The following DCAF6 variants were observed in gnomAD, a reference collection of about 807,000 sequenced individuals.
The protein encoded by DCAF6 is DDB1 and CUL4 associated factor 6.
DCAF6 carries 54 observed loss-of-function variants against 125.1 expected under a neutral mutation model. The observed-to-expected ratio is 0.43, with a 90% CI of 0.35 to 0.54. The LOEUF is 0.54. DCAF6 is among the 20% of genes least tolerant of loss of function. DCAF6 has a pLI of 0.01. For synonymous variants in DCAF6, 371 were observed against 390.4 expected (o/e 0.95, Z 0.58); for missense variants, 934 against 1,161.7 (o/e 0.80, Z 2.85).
intron 3 of DCAF6, among the ~76,000 whole-genome samples, chr1:167,971,378 C>T (rs202245): frequency 0.029 from 4,454 of 152,182 alleles, 168 homozygotes; most frequent in African/African-American, 0.084. Context: ...CAACACTTAA[C>T]ATTATTTATT....
the DCAF6 span, among the ~76,000 whole-genome samples, chr1:167,866,974 C>A: frequency 6.6e-6 from 1 of 152,080 alleles, no homozygotes; most frequent in African/African-American, 2.4e-5. Flanking sequence ...ACATAAAGTC[C>A]CCCCCATGCT....
chr1:167,875,279 T>C, the DCAF6 span: 1 of 1,285,526 alleles, frequency 7.8e-7, no homozygotes, highest in South Asian at 1.2e-5. Context: ...GAAAGTTTCC[T>C]TCTCAATTGC....
the DCAF6 span, among the ~76,000 whole-genome samples, chr1:167,865,017 G>C: frequency 2.0e-5 from 3 of 152,062 alleles, no homozygotes; most frequent in Non-Finnish European, 1.5e-5. Context: ...TAATAAGTCA[G>C]AAAGTTGAGA....
intron 1 of DCAF6, among the ~76,000 whole-genome samples, chr1:167,943,156 G>A (rs138412743): frequency 0.024 from 3,654 of 152,208 alleles, 130 homozygotes; most frequent in African/African-American, 0.081. Flanking sequence ...TGATCTGCCC[G>A]CCTTGGCCTA....
intron 12 of DCAF6, among the ~76,000 whole-genome samples, chr1:168,025,250 A>G (rs56962532): frequency 0.03 from 4,572 of 152,282 alleles, 202 homozygotes; most frequent in African/African-American, 0.1. Flanking sequence ...TATGGGATAT[A>G]AGAGGAAGAG....
At chr1:167,929,073 T>C in the DCAF6 span, among the ~76,000 whole-genome samples, 1 of 152,162 alleles carries the variant, frequency 6.6e-6, no homozygotes, top group Non-Finnish European at 1.5e-5. Flanking sequence ...TGTCTATACA[T>C]TTAGGCCGGG....
the DCAF6 span, among the ~76,000 whole-genome samples, chr1:167,867,589 C>T: frequency 6.6e-6 from 1 of 152,060 alleles, no homozygotes. Context: ...TGTGTTATGA[C>T]CCATTTTAAG....
intron 12 of DCAF6, among the ~76,000 whole-genome samples, chr1:168,031,175 T>C (rs998301154): frequency 4.6e-5 from 7 of 152,020 alleles, no homozygotes; most frequent in Non-Finnish European, 1.0e-4. Context: ...GAATTTTAAC[T>C]AGGATGAAAG....
chr1:167,976,803 A>G (rs74120587), intron 4 of DCAF6, among the ~76,000 whole-genome samples: 4,536 of 150,528 alleles, frequency 0.03, 234 homozygotes, highest in African/African-American at 0.11. Context: ...CATATTTACT[A>G]ATACCTTTGG....
chr1:167,991,443 A>C (rs1680820105), intron 6 of DCAF6, 104 bp downstream of exon 6: 12 of 1,164,502 alleles, frequency 1.0e-5, no homozygotes, highest in African/African-American at 1.6e-5. Context: ...AAATTTCAGA[A>C]AATAGTATTT....
chr1:167,866,896 A>C, the DCAF6 span, among the ~76,000 whole-genome samples: 1 of 152,184 alleles, frequency 6.6e-6, no homozygotes, highest in Non-Finnish European at 1.5e-5. Flanking sequence ...CCCCATATCT[A>C]AGGGCCCTGG....
chr1:167,955,383 C>T (rs1384188819), intron 2 of DCAF6, among the ~76,000 whole-genome samples: 1 of 151,616 alleles, frequency 6.6e-6, no homozygotes, highest in Non-Finnish European at 1.5e-5. Context: ...TTAACATTCC[C>T]AGTGTTAGTA....
intron 7 of DCAF6, among the ~76,000 whole-genome samples, chr1:167,995,520 A>G (rs1204375445): frequency 6.6e-6 from 1 of 152,052 alleles, no homozygotes; most frequent in Non-Finnish European, 1.5e-5. Context: ...TCTCTACTGA[A>G]AATACAAAAA....
chr1:168,043,322 T>C (rs1688783571), intron 14 of DCAF6, among the ~76,000 whole-genome samples, 182 bp downstream of exon 14: 1 of 152,146 alleles, frequency 6.6e-6, no homozygotes, highest in Non-Finnish European at 1.5e-5. Context: ...GCAGTTAAAA[T>C]GAGGAGACAC....
At chr1:168,060,054 A>G (rs767356538) in intron 17 of DCAF6, among the ~76,000 whole-genome samples, 4 of 152,216 alleles carry the variant, frequency 2.6e-5, no homozygotes, top group Non-Finnish European at 5.9e-5. Context: ...TTATAAATGC[A>G]TTCCTTTTAA....
Position 168,050,933 on chromosome 1 carries a change from G to A in DCAF6, c.2300G>A (p.Arg767Lys). 2 of 1,381,364 alleles carry A rather than the reference G, an allele frequency of 1.4e-6. No homozygotes were observed. Among genetic ancestry groups the A allele is most frequent in the South Asian group, 1.7e-5 (1 of 57,844 alleles). 85.6% of individuals were successfully genotyped at this position (1,381,364 alleles called of 1,614,324 possible). A position where few individuals can be genotyped will look rare whatever the true frequency, so the allele number is the denominator to read the frequency against. Reference protein sequence around the residue: ...RGTTIGDRIMRRSAVARIQEF... With the variant: ...RGTTIGDRIMKRSAVARIQEF... ...ACAACAATAGGTGATAGAATAATGA[G>A]GTAATTCAGTATGTTCCTTCATAAT... Residue 767 changes from arginine to lysine, a missense_variant and splice_region_variant, in exon 17 of 22, where the codon AGA becomes AAA. Physicochemically the swap from Arg to Lys is conservative, Grantham distance 26. Around this residue, in one of 5 missense-constraint regions of DCAF6, gnomAD observed 559 missense variants for 635.5 expected, o/e 0.88. Coordinates refer to ENST00000367840, the MANE Select transcript of DCAF6 (RefSeq NM_001198956.2).
intron 12 of DCAF6, among the ~76,000 whole-genome samples, chr1:168,032,085 T>C (rs1273073641): frequency 6.6e-6 from 1 of 152,222 alleles, no homozygotes; most frequent in Non-Finnish European, 1.5e-5. Context: ...AAAATTATTA[T>C]AATTGACATA....
At chr1:168,042,670 C>A in intron 13 of DCAF6, 4 of 161,572 alleles carry the variant, frequency 2.5e-5, no homozygotes, top group East Asian at 1.8e-4. Context: ...ATCTGTATAA[C>A]CATTAAGGTT....
chr1:167,911,595 G>A, the DCAF6 span, among the ~76,000 whole-genome samples: 54 of 152,350 alleles, frequency 3.5e-4, no homozygotes, highest in African/African-American at 1.2e-3. Context: ...GTCCTGTTCC[G>A]GCCAATGGGC....
Sources: allele counts gnomAD v4.1 joint callset (sites outside exome capture counted in the v4.1 genomes callset), GRCh38; gene constraint gnomAD v4.1.1; regional missense constraint gnomAD v4.1.1; transcripts MANE v1.5; gene names NCBI Gene and HGNC (gene_info 2026-07-23, HGNC 2026-07-21).